The following SPOCK3 variants were observed in gnomAD, a reference collection of about 807,000 sequenced individuals.
SPOCK3 encodes testican-3.
Under a neutral mutation model 56.6 loss-of-function variants are expected in SPOCK3, and 30 were observed. The observed-to-expected ratio is 0.53, with a 90% CI of 0.40 to 0.72. The LOEUF (loss-of-function observed/expected upper bound fraction) is 0.72, where lower values mean the gene tolerates loss of function less well. Ranked by LOEUF, SPOCK3 falls within the 30% of genes least tolerant of loss-of-function variation. SPOCK3 has a pLI of 0.00. For synonymous variants in SPOCK3, 196 were observed against 183.3 expected (o/e 1.07, Z -0.56); for missense variants, 527 against 530.0 (o/e 0.99, Z 0.06).
intron 2 of SPOCK3, among the ~76,000 whole-genome samples, chr4:167,171,696 T>C (rs926932761): frequency 6.6e-6 from 1 of 152,036 alleles, no homozygotes; most frequent in African/African-American, 2.4e-5. Flanking sequence ...ATTTTGAAAG[T>C]TAATGATACT....
chr4:167,169,724 G>A lies in SPOCK3; in HGVS notation c.189+64261C>T, dbSNP rs1046836109. On this transcript the variant is annotated intron_variant, in intron 2 of 10. Transcript: ENST00000357545. ...ATGTGAGGACATGAGATTTTTGAGG[G>A]TCCAGGGGAGGAATAAATATGGTTT... Among the ~76,000 whole-genome samples the A allele has an allele frequency of 2.1e-5, 3 of 139,780 alleles. No individual in the cohort carries two copies. In the Admixed American group the frequency reaches 2.2e-4, roughly 10 times the overall value. 91.7% of individuals were successfully genotyped at this position (139,780 alleles called of 152,430 possible).
At position 167,046,988 on chromosome 4, in the gene SPOCK3, C is replaced by T. The variant is rs150606265; in HGVS notation, c.235+15504G>A. 5.3e-5 allele frequency among the ~76,000 whole-genome samples: 8 copies of T among 152,130 alleles called. No individual in the cohort carries two copies. The East Asian group carries it at 7.8e-4, about 15-fold the overall frequency. ...AAGAGTATATGATATTTATCTGCAA[C>T]GGTACAGGACTTTGTAGAGGACATA... is the stretch of plus-strand genomic sequence containing the variant. On this transcript the variant is annotated intron_variant, in intron 3 of 10. Coordinates refer to ENST00000357545, the MANE Select transcript of SPOCK3 (RefSeq NM_001040159.2).
intron 2 of SPOCK3, among the ~76,000 whole-genome samples, chr4:167,150,563 C>T (rs774399016): frequency 4.0e-5 from 6 of 151,710 alleles, no homozygotes; most frequent in African/African-American, 1.2e-4. Flanking sequence ...CAGCTTAGAC[C>T]GTACTGAAAA....
chr4:166,800,183 GAAAAA>G (rs367811359), intron 6 of SPOCK3, among the ~76,000 whole-genome samples: 7 of 51,784 alleles, frequency 1.4e-4, no homozygotes, highest in Admixed American at 7.5e-4. Flanking sequence ...CTCCATCTCA[GAAAAA>G]AAAAAAAAAA....
chr4:166,908,173 A>G (rs1736831493), intron 5 of SPOCK3, among the ~76,000 whole-genome samples: 1 of 151,940 alleles, frequency 6.6e-6, no homozygotes, highest in Non-Finnish European at 1.5e-5. Context: ...AATGACAGAA[A>G]GGTTAAAACA....
chr4:166,854,119 T>C (rs1195498987), intron 6 of SPOCK3, among the ~76,000 whole-genome samples: 2 of 152,176 alleles, frequency 1.3e-5, no homozygotes, highest in Non-Finnish European at 2.9e-5. Context: ...CCATTATAGA[T>C]ATATTGAACT....
intron 2 of SPOCK3, among the ~76,000 whole-genome samples, chr4:167,084,341 C>T (rs1227706623): frequency 6.6e-6 from 1 of 151,868 alleles, no homozygotes; most frequent in African/African-American, 2.4e-5. Flanking sequence ...CATATTTTTT[C>T]TTTTTTTAAG....
chr4:167,135,710 T>C (rs1369199810), intron 2 of SPOCK3, among the ~76,000 whole-genome samples: 2 of 146,198 alleles, frequency 1.4e-5, no homozygotes, highest in East Asian at 2.1e-4. Flanking sequence ...TGTGTGTGTG[T>C]GTGTGTGTAA....
intron 6 of SPOCK3, among the ~76,000 whole-genome samples, chr4:166,841,552 C>G (rs946702438): frequency 1.3e-5 from 2 of 152,154 alleles, no homozygotes; most frequent in African/African-American, 4.8e-5. Flanking sequence ...TACTTTCTAG[C>G]TCTTATTTTT....
intron 2 of SPOCK3, among the ~76,000 whole-genome samples, chr4:167,128,430 G>A (rs1240212320): frequency 6.6e-6 from 1 of 151,964 alleles, no homozygotes. Flanking sequence ...TTATTACTTT[G>A]TGCAAAAAAA....
chr4:166,839,024 G>A (rs7698485), intron 6 of SPOCK3, among the ~76,000 whole-genome samples: 55,050 of 151,746 alleles, frequency 0.36, 12,379 homozygotes, highest in South Asian at 0.53. Context: ...AGTGTCTGTG[G>A]TTACATTTTT....
intron 7 of SPOCK3, among the ~76,000 whole-genome samples, chr4:166,769,261 C>T (rs1459131980): frequency 6.6e-6 from 1 of 152,178 alleles, no homozygotes; most frequent in Admixed American, 6.5e-5. Flanking sequence ...GGGAGAGGTG[C>T]TCTGATTTTT....
At chr4:166,856,595 G>A (rs1230528529) in intron 6 of SPOCK3, among the ~76,000 whole-genome samples, 6 of 152,088 alleles carry the variant, frequency 3.9e-5, no homozygotes, top group Admixed American at 3.9e-4. Flanking sequence ...CCAACATGGT[G>A]AAACCCTGTC....
chr4:167,058,878 C>G (rs546446901), intron 3 of SPOCK3, among the ~76,000 whole-genome samples: 2 of 152,252 alleles, frequency 1.3e-5, no homozygotes, highest in Admixed American at 1.3e-4. Flanking sequence ...TTTGACAAAC[C>G]TGAGAAAAAC....
chr4:166,797,471 G>A (rs1053753038), intron 6 of SPOCK3, among the ~76,000 whole-genome samples: 1 of 151,634 alleles, frequency 6.6e-6, no homozygotes, highest in African/African-American at 2.4e-5. Flanking sequence ...GTGACTTTTA[G>A]TTTATGATAT....
chr4:167,069,802 C>G (rs1756506229), intron 2 of SPOCK3, among the ~76,000 whole-genome samples: 1 of 151,906 alleles, frequency 6.6e-6, no homozygotes, highest in African/African-American at 2.4e-5. Flanking sequence ...GGTTATGTAA[C>G]CCTGTAGAAG....
At chr4:167,186,456 A>C (rs1731967311) in intron 2 of SPOCK3, among the ~76,000 whole-genome samples, 2 of 151,946 alleles carry the variant, frequency 1.3e-5, no homozygotes, top group Non-Finnish European at 2.9e-5. Context: ...GTGAAACCCC[A>C]TCTCTACTGA....
At chr4:166,807,691 T>C (rs988235517) in intron 6 of SPOCK3, among the ~76,000 whole-genome samples, 10 of 152,084 alleles carry the variant, frequency 6.6e-5, no homozygotes, top group Non-Finnish European at 1.0e-4. Flanking sequence ...ACACATACTA[T>C]AAAAAAGAAA....
In SPOCK3 at chr4:166,754,143, T is replaced by C. The variant is rs1736764512; in HGVS notation, c.931+365A>G. ...AGAACATTAAAACTCCACCGTATAG[T>C]GATAAAAAATCCATTTATTTTACAT... On this transcript the variant is annotated intron_variant, in intron 8 of 10. Coordinates refer to ENST00000357545, the MANE Select transcript of SPOCK3 (RefSeq NM_001040159.2). The C allele has an allele frequency of 6.0e-6, 6 of 1,000,356 alleles. No homozygotes were observed. In the South Asian group the frequency reaches 2.2e-4, roughly 36 times the overall value. 62.0% of individuals were successfully genotyped at this position (1,000,356 alleles called of 1,614,324 possible).
Sources: allele counts gnomAD v4.1 joint callset (sites outside exome capture counted in the v4.1 genomes callset), GRCh38; gene constraint gnomAD v4.1.1; transcripts MANE v1.5; gene names NCBI Gene and HGNC (gene_info 2026-07-23, HGNC 2026-07-21).